ARB2A: variants seen among roughly 807,000 people sequenced by gnomAD.
ARB2A encodes cotranscriptional regulator ARB2A.
the ARB2A span, among the ~76,000 whole-genome samples, chr5:93,899,447 AG>A: frequency 6.6e-6 from 1 of 152,244 alleles, no homozygotes; most frequent in East Asian, 1.9e-4. Context: ...AAAAGCAGCA[AG>A]GGTTTAGGCT....
the ARB2A span, among the ~76,000 whole-genome samples, chr5:93,875,904 G>C: frequency 2.6e-5 from 4 of 152,072 alleles, no homozygotes; most frequent in Non-Finnish European, 5.9e-5. Flanking sequence ...GGTCTAAGGG[G>C]AAAAGCAGTG....
the ARB2A span, chr5:93,865,710 T>G: frequency 1.0e-6 from 1 of 985,440 alleles, no homozygotes; most frequent in Non-Finnish European, 1.2e-6. Context: ...CATCCAGTAC[T>G]GAAAGAATTC....
At chr5:94,073,012 T>C in the ARB2A span, among the ~76,000 whole-genome samples, 35 of 152,244 alleles carry the variant, frequency 2.3e-4, no homozygotes, top group Non-Finnish European at 4.4e-4. Context: ...CTATGCCTTA[T>C]CTGAAGCACT....
chr5:93,727,258 A>T, the ARB2A span, among the ~76,000 whole-genome samples: 7 of 152,076 alleles, frequency 4.6e-5, no homozygotes, highest in Non-Finnish European at 8.8e-5. Flanking sequence ...TGGGTAAGAG[A>T]GCAGAAGCAT....
the ARB2A span, among the ~76,000 whole-genome samples, chr5:94,086,278 A>G: frequency 6.6e-6 from 1 of 152,236 alleles, no homozygotes; most frequent in Non-Finnish European, 1.5e-5. Context: ...CAAAAGAAAT[A>G]CAGTCACACA....
chr5:93,704,341 C>T, the ARB2A span, among the ~76,000 whole-genome samples: 634 of 152,126 alleles, frequency 4.2e-3, 4 homozygotes, highest in Non-Finnish European at 6.9e-3. Flanking sequence ...GAGGCTGAGG[C>T]GGGAGGATCA....
At chr5:94,108,021 T>C in the ARB2A span, among the ~76,000 whole-genome samples, 1 of 152,200 alleles carries the variant, frequency 6.6e-6, no homozygotes, top group Admixed American at 6.5e-5. Context: ...CCATCACTAT[T>C]ACTGATCTTT....
chr5:93,932,302 C>T, the ARB2A span, among the ~76,000 whole-genome samples: 16 of 152,106 alleles, frequency 1.1e-4, 1 homozygote, highest in South Asian at 2.1e-4. Flanking sequence ...ATGTGTGTGC[C>T]CAGGAAGGGA....
the ARB2A span, among the ~76,000 whole-genome samples, chr5:93,945,505 C>T: frequency 1.3e-5 from 2 of 151,338 alleles, no homozygotes; most frequent in South Asian, 2.1e-4. Flanking sequence ...TCAAATCAGG[C>T]GTACTAATCA....
the ARB2A span, among the ~76,000 whole-genome samples, chr5:93,918,704 G>A: frequency 6.6e-6 from 1 of 152,114 alleles, no homozygotes; most frequent in Non-Finnish European, 1.5e-5. Flanking sequence ...TTACAGGCAT[G>A]AGCCACTGCG....
At chr5:93,887,601 C>T in the ARB2A span, among the ~76,000 whole-genome samples, 1 of 151,668 alleles carries the variant, frequency 6.6e-6, no homozygotes, top group Non-Finnish European at 1.5e-5. Context: ...GAGAGATTAT[C>T]CCCCCTAATA....
the ARB2A span, among the ~76,000 whole-genome samples, chr5:93,793,893 G>A: frequency 6.6e-6 from 1 of 152,176 alleles, no homozygotes; most frequent in African/African-American, 2.4e-5. Flanking sequence ...CTTCAGAGTT[G>A]TTCCAAGTTG....
At chr5:93,977,167 T>C in the ARB2A span, among the ~76,000 whole-genome samples, 1 of 152,134 alleles carries the variant, frequency 6.6e-6, no homozygotes, top group East Asian at 1.9e-4. Context: ...TTAAAATATT[T>C]ATACTGCCCA....
chr5:93,861,958 T>G, the ARB2A span: 2 of 152,236 alleles, frequency 1.3e-5, no homozygotes, highest in African/African-American at 4.8e-5. Flanking sequence ...CTTTTGATCA[T>G]GTATATTCTA....
chr5:93,881,409 CATATA>C, the ARB2A span: 4 of 1,234,354 alleles, frequency 3.2e-6, no homozygotes, highest in South Asian at 5.7e-5. Context: ...AAACAATCTA[CATATA>C]ATAAAATATA....
the ARB2A span, among the ~76,000 whole-genome samples, chr5:94,035,605 A>T: frequency 7.8e-4 from 119 of 152,168 alleles, no homozygotes; most frequent in African/African-American, 2.7e-3. Context: ...AGCCAACCCA[A>T]CTGCCCATCA....
the ARB2A span, among the ~76,000 whole-genome samples, chr5:93,939,407 G>A: frequency 6.6e-6 from 1 of 152,050 alleles, no homozygotes; most frequent in South Asian, 2.1e-4. Context: ...ATCTTAAGTT[G>A]TGTCCTTTAT....
chr5:93,657,683 T>G, the ARB2A span, among the ~76,000 whole-genome samples: 1 of 152,146 alleles, frequency 6.6e-6, no homozygotes, highest in South Asian at 2.1e-4. Context: ...ATTACAGTAC[T>G]AATTTCCCTT....
At chr5:94,006,950 T>C in the ARB2A span, among the ~76,000 whole-genome samples, 1 of 152,226 alleles carries the variant, frequency 6.6e-6, no homozygotes, top group East Asian at 1.9e-4. Flanking sequence ...AGTGCTAGTA[T>C]AGCATTAATT....
Sources: allele counts gnomAD v4.1 joint callset (sites outside exome capture counted in the v4.1 genomes callset), GRCh38; gene constraint gnomAD v4.1.1; transcripts MANE v1.5; gene names NCBI Gene and HGNC (gene_info 2026-07-23, HGNC 2026-07-21).